The following KLHL3 variants were observed in gnomAD, a reference collection of about 807,000 sequenced individuals.
KLHL3 encodes kelch like family member 3.
In KLHL3, 19 loss-of-function variants were observed where a neutral mutation model predicts 70.5. That is an observed-to-expected ratio of 0.27 (90% CI 0.19 to 0.40). The LOEUF is 0.40. Among genes scored for constraint, KLHL3 ranks in the 10% least tolerant of loss-of-function variants. The pLI is 1.00. For synonymous variants in KLHL3, 258 were observed against 290.3 expected, an observed-to-expected ratio of 0.89 and a Z score of 1.13; for missense variants, 512 against 771.1, an observed-to-expected ratio of 0.66 and a Z score of 3.98.
chr5:137,678,376 T>C (rs1011684232), intron 5 of KLHL3, among the ~76,000 whole-genome samples: 1 of 152,222 alleles, frequency 6.6e-6, no homozygotes, highest in African/African-American at 2.4e-5. Context: ...GGACAATTCC[T>C]ACCCTGACAT....
intron 2 of KLHL3, among the ~76,000 whole-genome samples, chr5:137,711,027 A>C (rs561548492): frequency 9.8e-5 from 15 of 152,306 alleles, no homozygotes; most frequent in African/African-American, 3.4e-4. Context: ...AGGAAAGACA[A>C]GGAGGACAAA....
intron 5 of KLHL3, among the ~76,000 whole-genome samples, chr5:137,678,708 T>A (rs2149908121): frequency 6.6e-6 from 1 of 152,352 alleles, no homozygotes; most frequent in East Asian, 1.9e-4. Context: ...ATTGAAATAA[T>A]TTCAGACCCA....
intron 6 of KLHL3, chr5:137,673,620 T>A (rs1420371057): frequency 2.0e-5 from 3 of 152,172 alleles, no homozygotes; most frequent in African/African-American, 7.2e-5. Context: ...AGAAAACTGT[T>A]AAAATTATTC....
At chr5:137,709,911 A>C (rs1752760658) in intron 2 of KLHL3, 55 bp from the exon 3 acceptor site, 6 of 1,350,746 alleles carry the variant, frequency 4.4e-6, no homozygotes, top group Non-Finnish European at 5.3e-6. Flanking sequence ...ACCTACCCTC[A>C]TCTTACAAGG....
intron 8 of KLHL3, among the ~76,000 whole-genome samples, chr5:137,651,048 T>C (rs1022019100): frequency 6.6e-6 from 1 of 152,210 alleles, no homozygotes; most frequent in Admixed American, 6.5e-5. Flanking sequence ...AAGTAGGATA[T>C]AAATCCTCAC....
chr5:137,732,827 T>C (rs1753201496), intron 1 of KLHL3, among the ~76,000 whole-genome samples: 1 of 152,166 alleles, frequency 6.6e-6, no homozygotes, highest in African/African-American at 2.4e-5. Flanking sequence ...AACAGCTCTA[T>C]GAAGTGTAAG....
Position 137,639,183 on chromosome 5 carries a change from G to A in KLHL3, c.1022-33C>T, listed in dbSNP as rs753070697. 2 of 1,604,914 alleles carry A rather than the reference G, an allele frequency of 1.2e-6. No homozygotes were observed. Among genetic ancestry groups the A allele is most frequent in the South Asian group, 2.2e-5 (2 of 90,094 alleles). On this transcript the variant is annotated intron_variant, in intron 9 of 14. Coordinates refer to ENST00000309755, the MANE Select transcript of KLHL3 (RefSeq NM_017415.3). This position sits in a 1 kb window ranked among gnomAD's most constrained non-coding sequence, Gnocchi z 5.0. ...ACAGGAAACCAAGACATCAAGGTCA[G>A]GTCAGGCGCATGACTGCTCATGTTG...
At position 137,635,411 on chromosome 5, in the gene KLHL3, C is replaced by T. The variant is rs1750742844; in HGVS notation, c.1322-1246G>A. On this transcript the variant is annotated intron_variant, in intron 11 of 14. Coordinates refer to ENST00000309755, the MANE Select transcript of KLHL3 (RefSeq NM_017415.3). The stretch of plus-strand genomic sequence containing the variant: ...TGCATGGTATGTGCTGGTTCAGATG[C>T]GAAATATCCATAGCACACTCTCTGC... Among the ~76,000 whole-genome samples the T allele has an allele frequency of 2.6e-5, 4 of 152,138 alleles. No individual in the cohort carries two copies. In the South Asian group the frequency reaches 6.2e-4, roughly 24 times the overall value.
chr5:137,728,622 A>G (rs1753122574), intron 1 of KLHL3, among the ~76,000 whole-genome samples: 1 of 152,288 alleles, frequency 6.6e-6, no homozygotes, highest in African/African-American at 2.4e-5. Context: ...GTCAGTTCTT[A>G]GACTCTTTCT....
At position 137,620,672 on chromosome 5, in the gene KLHL3, GCTC is replaced by G. The variant is rs374311913; in HGVS notation, c.*1423_*1425del. ...TTACTCCATGCCCCCTCAAATGCCC[GCTC>G]CTCAAGATGCTTGAAGTTCTATTGT... On this transcript the variant is annotated 3_prime_UTR_variant, in exon 15 of 15. Transcript: ENST00000309755. The G allele has an allele frequency of 3.3e-5, 5 of 152,164 alleles. No homozygotes were observed. Among genetic ancestry groups the G allele is most frequent in the African/African-American group, 1.2e-4 (5 of 41,422 alleles). 9.4% of individuals were successfully genotyped at this position (152,164 alleles called of 1,614,324 possible).
At chr5:137,729,086 G>A (rs1177169465) in intron 1 of KLHL3, among the ~76,000 whole-genome samples, 1 of 152,032 alleles carries the variant, frequency 6.6e-6, no homozygotes, top group Non-Finnish European at 1.5e-5. Context: ...TGCTGTTAAA[G>A]GTTATGATCT....
intron 5 of KLHL3, among the ~76,000 whole-genome samples, chr5:137,686,689 C>A (rs1267002750): frequency 6.6e-6 from 1 of 152,118 alleles, no homozygotes; most frequent in African/African-American, 2.4e-5. Context: ...GGTAGAGAAC[C>A]CCAGGCTCCA....
At chr5:137,721,759 T>C (rs892027491) in intron 1 of KLHL3, among the ~76,000 whole-genome samples, 46 of 152,310 alleles carry the variant, frequency 3.0e-4, no homozygotes, top group African/African-American at 1.1e-3. Flanking sequence ...CACCCCAGCC[T>C]GGGCAACAGA....
rs77594964 is a variant in KLHL3 at position 137,620,894 on chromosome 5, C to G, written c.*1204G>C. On this transcript the variant is annotated 3_prime_UTR_variant, in exon 15 of 15. Transcript: ENST00000309755. Reference sequence around the variant, plus strand: ...GGGGGAAAGCACAAGAAAAAGAAGACAAGGACATTAGACAGACTTGACCAC... The same window carrying G: ...GGGGGAAAGCACAAGAAAAAGAAGAGAAGGACATTAGACAGACTTGACCAC... 1 of 152,240 alleles carries G rather than the reference C, an allele frequency of 6.6e-6. No homozygotes were observed. The highest frequency in any genetic ancestry group is 6.5e-5 in the Admixed American group (1 of 15,286). 9.4% of individuals were successfully genotyped at this position (152,240 alleles called of 1,614,324 possible). A position where few individuals can be genotyped will look rare whatever the true frequency, so the allele number is the denominator to read the frequency against.
chr5:137,710,457 C>A (rs1752771144), intron 2 of KLHL3, among the ~76,000 whole-genome samples: 1 of 152,186 alleles, frequency 6.6e-6, no homozygotes, highest in African/African-American at 2.4e-5. Flanking sequence ...ATTAAAAATA[C>A]TGTAATTACC....
chr5:137,649,328 T>TA (rs1439650477), intron 8 of KLHL3, among the ~76,000 whole-genome samples: 3 of 152,226 alleles, frequency 2.0e-5, no homozygotes, highest in African/African-American at 7.2e-5. Context: ...GCTTCTGTGT[T>TA]AGATGTGTGC....
chr5:137,625,380 A>G (rs939284132), intron 14 of KLHL3, among the ~76,000 whole-genome samples: 5 of 152,306 alleles, frequency 3.3e-5, no homozygotes, highest in African/African-American at 9.6e-5. Flanking sequence ...GACAACAACA[A>G]TCGCATCTTA....
intron 8 of KLHL3, among the ~76,000 whole-genome samples, chr5:137,657,014 G>C (rs985487878): frequency 1.3e-5 from 2 of 152,168 alleles, no homozygotes; most frequent in Non-Finnish European, 1.5e-5. Flanking sequence ...CTCAATAAAG[G>C]TTAGCTGCTT....
At chr5:137,692,705 C>A in intron 4 of KLHL3, 1 of 432,122 alleles carries the variant, frequency 2.3e-6, no homozygotes, top group Non-Finnish European at 4.2e-6. Flanking sequence ...TATTAAAATG[C>A]AGATTCTAAT....
Sources: gnomAD v4.1 joint callset for allele counts (sites outside exome capture counted in the v4.1 genomes callset) on GRCh38, gnomAD v4.1.1 for gene constraint, Gnocchi (gnomAD v3.1) non-coding constraint, MANE v1.5 for transcripts, NCBI Gene and HGNC (gene_info 2026-07-23, HGNC 2026-07-21) for gene names.